C16orf89: variants seen among roughly 807,000 people sequenced by gnomAD.
C16orf89 encodes the protein UPF0764 protein C16orf89.
In C16orf89, 57 loss-of-function variants were observed where a neutral mutation model predicts 41.5. That is an observed-to-expected ratio of 1.38 (90% confidence interval 1.11 to 1.71). C16orf89 has a LOEUF of 1.71. C16orf89 is among the 40% of genes most tolerant of loss of function. The pLI, the probability that C16orf89 is intolerant of heterozygous loss-of-function variation, is 0.00. For synonymous variants in C16orf89, 223 were observed against 190.6 expected (o/e 1.17, Z -1.40); for missense variants, 575 against 445.9 (o/e 1.29, Z -2.61).
At chr16:5,061,477 A>C (rs1956622271) in intron 2 of C16orf89, among the ~76,000 whole-genome samples, 2 of 47,104 alleles carry the variant, frequency 4.2e-5, no homozygotes, top group African/African-American at 1.8e-4. Context: ...AGAGTGAGAC[A>C]CTGTCTCAAA....
chr16:5,044,826 A>C (rs1000503720), intron 7 of C16orf89: 6 of 1,240,866 alleles, frequency 4.8e-6, no homozygotes, highest in Non-Finnish European at 6.2e-6. Context: ...CCTGAGCAAC[A>C]GAGCGAGAAT....
At chr16:5,060,792 A>G (rs770726369) in intron 2 of C16orf89, among the ~76,000 whole-genome samples, 21 of 151,810 alleles carry the variant, frequency 1.4e-4, no homozygotes, top group Non-Finnish European at 1.9e-4. Flanking sequence ...TTGAGGCCCA[A>G]CGTTCAAGAC....
At chr16:5,056,382 A>T (rs886923599) in intron 4 of C16orf89, among the ~76,000 whole-genome samples, 194 bp from the exon 5 acceptor site, 5 of 152,074 alleles carry the variant, frequency 3.3e-5, no homozygotes, top group African/African-American at 1.2e-4. Context: ...TGGGTTCGAG[A>T]TCCAGCTCTG....
At chr16:5,045,609 C>T (rs1220087684) in intron 7 of C16orf89, among the ~76,000 whole-genome samples, 1 of 152,132 alleles carries the variant, frequency 6.6e-6, no homozygotes, top group Non-Finnish European at 1.5e-5. Context: ...TCATGCCTCT[C>T]AGTGGCCTAC....
At chr16:5,060,194 G>C (rs962343202) in intron 3 of C16orf89, 92 bp downstream of exon 3, 44 of 1,443,492 alleles carry the variant, frequency 3.0e-5, no homozygotes, top group Non-Finnish European at 3.9e-5. Context: ...CCTGGCTTCA[G>C]CCCTAGGGCT....
Position 5,060,357 on chromosome 16 carries a change from G to T in C16orf89, c.438C>A (p.Pro146=). Residue 146 remains proline (P), a synonymous_variant, in exon 3 of 8, where the codon CCC becomes CCA. Transcript: ENST00000472572. ...AGAATGAGTCCTGGGGCCCGAACGT[G>T]GGGTACACCAAGGAGGCATCAGTGT... is the stretch of plus-strand genomic sequence containing the variant. ...WIHTDASLVY[P]TFGPQDSFSE... 6.2e-7 allele frequency: 1 copy of T among 1,613,668 alleles called. No individual in the cohort carries two copies. The highest frequency in any genetic ancestry group is 8.5e-7 in the Non-Finnish European group (1 of 1,179,864).
rs781114875 is a variant in C16orf89 at position 5,062,512 on chromosome 16, G to A, written c.271C>T (p.Arg91Cys). 1.6e-5 allele frequency: 26 copies of A among 1,613,784 alleles called. No homozygotes were observed. Among genetic ancestry groups the A allele is most frequent in the Admixed American group, 5.0e-5 (3 of 59,984 alleles). Residue 91 changes from arginine to cysteine, a missense_variant, in exon 2 of 8, where the codon CGC becomes TGC. Arg to Cys is a radical substitution (Grantham distance 180, BLOSUM62 -3). Coordinates refer to ENST00000472572, the MANE Select transcript of C16orf89 (RefSeq NM_001098514.3). ...QEPLLQPLSL[R>C]VGMLGEKLEA... ...AGCTTCTCCCCCAGCATCCCCACGC[G>A]CAGGCTCAGCGGCTGCAGCAGGGGC...
At chr16:5,063,666 G>T (rs1956673866) in intron 1 of C16orf89, among the ~76,000 whole-genome samples, 2 of 152,156 alleles carry the variant, frequency 1.3e-5, no homozygotes, top group African/African-American at 2.4e-5. Flanking sequence ...CACATACGAG[G>T]GATCTAGGCT....
chr16:5,047,423 T>C (rs1956317358), intron 7 of C16orf89, among the ~76,000 whole-genome samples: 1 of 152,034 alleles, frequency 6.6e-6, no homozygotes, highest in Non-Finnish European at 1.5e-5. Context: ...TCTTTTATGC[T>C]CCTTTAACAA....
intron 2 of C16orf89, among the ~76,000 whole-genome samples, chr16:5,061,300 G>A (rs1382749221): frequency 1.4e-5 from 2 of 145,672 alleles, no homozygotes; most frequent in African/African-American, 2.5e-5. Context: ...GCGTGGTGGC[G>A]CATGCCTGTA....
chr16:5,046,375 A>C (rs1956298002), intron 7 of C16orf89, among the ~76,000 whole-genome samples: 1 of 151,552 alleles, frequency 6.6e-6, no homozygotes, highest in Non-Finnish European at 1.5e-5. Flanking sequence ...TTTTTGAGAC[A>C]CAGTCTCACT....
chr16:5,056,360 C>A (rs1311541325), intron 4 of C16orf89, among the ~76,000 whole-genome samples, 172 bp from the exon 5 acceptor site: 1 of 152,174 alleles, frequency 6.6e-6, no homozygotes, highest in Non-Finnish European at 1.5e-5. Context: ...CCCATGCACA[C>A]CCCCAGCCTG....
rs570417715 is a variant in C16orf89, at chr16:5,064,004, G to A, written c.209-1430C>T. ...TAGCCGGGCGTGGTGGTGGGTACCTGTAGTCCCAGCTATTTGGGAGGCTGA... is the reference window on the plus strand; with the variant it reads ...TAGCCGGGCGTGGTGGTGGGTACCTATAGTCCCAGCTATTTGGGAGGCTGA... On this transcript the variant is annotated intron_variant, in intron 1 of 7. Transcript: ENST00000472572. Among the ~76,000 whole-genome samples the A allele has an allele frequency of 2.1e-3, 323 of 152,202 alleles. 1 individual carries two copies. The highest frequency in any genetic ancestry group is 7.3e-3 in the African/African-American group (305 of 41,532).
chr16:5,065,354 G>C (rs1956716568), intron 1 of C16orf89, among the ~76,000 whole-genome samples: 1 of 152,100 alleles, frequency 6.6e-6, no homozygotes, highest in Admixed American at 6.6e-5. Flanking sequence ...CAAGGGGAGG[G>C]GTCTTCCCAC....
In C16orf89 at chr16:5,048,774, G is replaced by C. The variant is rs182741424; in HGVS notation, c.869-810C>G. 1.3e-3 allele frequency among the ~76,000 whole-genome samples: 202 copies of C among 151,984 alleles called. 2 individuals carry two copies. The highest frequency in any genetic ancestry group is 0.011 in the Admixed American group (170 of 15,252). ...ACTAGAGAAAAGCCCAAACAGCAGT[G>C]ATAACAATAAGAAAGGAAGAAAAAA... On this transcript the variant is annotated intron_variant, in intron 6 of 7. Transcript: ENST00000472572.
At chr16:5,047,355 C>G (rs1956316148) in intron 7 of C16orf89, among the ~76,000 whole-genome samples, 1 of 152,290 alleles carries the variant, frequency 6.6e-6, no homozygotes, top group East Asian at 1.9e-4. Context: ...GTTCTATTTT[C>G]CTGACCAGAC....
At chr16:5,060,578 G>C in intron 2 of C16orf89, 142 bp from the exon 3 acceptor site, 1 of 847,342 alleles carries the variant, frequency 1.2e-6, no homozygotes. Flanking sequence ...CCTGGTCCCA[G>C]ATTGGGTTTG....
chr16:5,044,950 C>A, intron 7 of C16orf89: 1 of 1,206,168 alleles, frequency 8.3e-7, no homozygotes, highest in African/African-American at 1.6e-5. Context: ...GGGTGCTCTT[C>A]CGCCAGCTGC....
intron 5 of C16orf89, 37 bp from the exon 6 acceptor site, chr16:5,055,387 C>T: frequency 6.6e-7 from 1 of 1,518,786 alleles, no homozygotes; most frequent in Non-Finnish European, 9.0e-7. Flanking sequence ...CAGGCCTGCC[C>T]CCCAGGCCCA....
Sources: gnomAD v4.1 joint callset for allele counts (sites outside exome capture counted in the v4.1 genomes callset) on GRCh38, gnomAD v4.1.1 for gene constraint, MANE v1.5 for transcripts, NCBI Gene and HGNC (gene_info 2026-07-23, HGNC 2026-07-21) for gene names.